Variants in MPPED2 observed in about 807,000 individuals in gnomAD.
MPPED2 encodes the protein metallophosphoesterase MPPED2.
In MPPED2, 5 loss-of-function variants were observed where a neutral mutation model predicts 33.0. That is an observed-to-expected ratio of 0.15 (90% CI 0.08 to 0.32). The LOEUF (loss-of-function observed/expected upper bound fraction) is 0.32, where lower values mean the gene tolerates loss of function less well. MPPED2 is among the 10% of genes least tolerant of loss of function. MPPED2 has a pLI of 1.00. For synonymous variants in MPPED2, 136 were observed against 141.9 expected, an observed-to-expected ratio of 0.96 and a Z score of 0.29; for missense variants, 275 against 372.1, an observed-to-expected ratio of 0.74 and a Z score of 2.15.
chr11:30,530,560 G>A (rs961061980), intron 3 of MPPED2, among the ~76,000 whole-genome samples: 1 of 152,226 alleles, frequency 6.6e-6, no homozygotes, highest in African/African-American at 2.4e-5. Context: ...AGTTCTCCTA[G>A]AGACGGTCAT....
chr11:30,412,501 C>T (rs1948152802), intron 6 of MPPED2, among the ~76,000 whole-genome samples: 4 of 151,910 alleles, frequency 2.6e-5, no homozygotes, highest in Admixed American at 2.6e-4. Flanking sequence ...ATAAAATTAC[C>T]AAGATATAGA....
In MPPED2 at chr11:30,564,192, T is replaced by C. The variant is rs374822271; in HGVS notation, c.128+16054A>G. On this transcript the variant is annotated intron_variant, in intron 2 of 6. Transcript: ENST00000358117. ...TTGTATTTTTAGTGGCTTCTTCTAA[T>C]TGACCCCAAGGTAATCATTCCCTGA... Among the ~76,000 whole-genome samples the C allele has an allele frequency of 1.4e-3, 214 of 152,298 alleles. 1 individual carries two copies. Among genetic ancestry groups the C allele is most frequent in the African/African-American group, 4.9e-3 (203 of 41,562 alleles).
intron 1 of MPPED2, among the ~76,000 whole-genome samples, chr11:30,582,523 C>G (rs1201622845): frequency 6.6e-6 from 1 of 152,150 alleles, no homozygotes; most frequent in African/African-American, 2.4e-5. Context: ...AATCTCTGCA[C>G]CCAGTACTAG....
At chr11:30,509,298 T>G (rs1029376857) in intron 3 of MPPED2, among the ~76,000 whole-genome samples, 1 of 152,172 alleles carries the variant, frequency 6.6e-6, no homozygotes, top group African/African-American at 2.4e-5. Context: ...AAATGAACTA[T>G]ATACATGACA....
intron 3 of MPPED2, among the ~76,000 whole-genome samples, chr11:30,525,653 A>G (rs1433794439): frequency 1.3e-5 from 2 of 152,168 alleles, no homozygotes; most frequent in East Asian, 3.9e-4. Context: ...GGTGGCTCCA[A>G]TGTGACCCAG....
At position 30,490,427 on chromosome 11, in the gene MPPED2, A is replaced by T. The variant is rs150780896; in HGVS notation, c.536+4869T>A. Among the ~76,000 whole-genome samples, 14 of 152,350 alleles carry T rather than the reference A, an allele frequency of 9.2e-5. 1 individual carries two copies. Among genetic ancestry groups the T allele is most frequent in the African/African-American group, 3.4e-4 (14 of 41,578 alleles). On this transcript the variant is annotated intron_variant, in intron 4 of 6. Transcript: ENST00000358117. ...TGCCTTTCTTCCAGATTCTTGGAAG[A>T]ATGAGATGGTGAAGGAATACATACA...
intron 2 of MPPED2, among the ~76,000 whole-genome samples, chr11:30,565,280 C>T (rs1956398930): frequency 6.6e-6 from 1 of 152,050 alleles, no homozygotes; most frequent in East Asian, 1.9e-4. Flanking sequence ...AGAGAGTGTT[C>T]CGGTTTTCTA....
chr11:30,405,964 T>TG (rs1419643126), downstream of MPPED2, among the ~76,000 whole-genome samples: 1 of 152,062 alleles, frequency 6.6e-6, no homozygotes, highest in Non-Finnish European at 1.5e-5. Context: ...ATTCCAAAGT[T>TG]GGGGGCTCTT....
chr11:30,466,540 G>C (rs1026410783), intron 4 of MPPED2, among the ~76,000 whole-genome samples: 1 of 152,198 alleles, frequency 6.6e-6, no homozygotes, highest in Non-Finnish European at 1.5e-5. Flanking sequence ...ACCCTAGATG[G>C]CAGAGGTCAA....
intron 2 of MPPED2, among the ~76,000 whole-genome samples, chr11:30,550,443 T>G (rs1467181685): frequency 6.6e-6 from 1 of 152,218 alleles, no homozygotes; most frequent in Non-Finnish European, 1.5e-5. Flanking sequence ...ACTCCCATTA[T>G]GGCCTTGCAG....
intron 2 of MPPED2, among the ~76,000 whole-genome samples, chr11:30,555,500 C>T (rs1955922619): frequency 6.6e-6 from 1 of 152,136 alleles, no homozygotes; most frequent in Non-Finnish European, 1.5e-5. Flanking sequence ...CCCATAATCC[C>T]CATGTGTCAT....
intron 4 of MPPED2, among the ~76,000 whole-genome samples, chr11:30,472,390 C>T (rs1950989324): frequency 6.6e-6 from 1 of 151,048 alleles, no homozygotes; most frequent in South Asian, 2.1e-4. Flanking sequence ...AATAATTAAG[C>T]ATGAAAATGA....
At chr11:30,436,049 T>C (rs1044381616) in intron 4 of MPPED2, among the ~76,000 whole-genome samples, 18 of 127,048 alleles carry the variant, frequency 1.4e-4, no homozygotes, top group African/African-American at 4.6e-4. Context: ...AAGTTTAGCA[T>C]CTTTTTTTTT....
At chr11:30,487,624 G>C (rs2134162512) in intron 4 of MPPED2, among the ~76,000 whole-genome samples, 1 of 152,082 alleles carries the variant, frequency 6.6e-6, no homozygotes, top group East Asian at 1.9e-4. Flanking sequence ...GGGACTACAA[G>C]CACATACCAT....
intron 3 of MPPED2, among the ~76,000 whole-genome samples, chr11:30,525,103 G>T (rs1350379630): frequency 1.3e-5 from 2 of 152,120 alleles, no homozygotes; most frequent in African/African-American, 4.8e-5. Context: ...GCAAAATTGG[G>T]CAAGATCTTT....
chr11:30,586,495 G>T (rs1046060579), upstream of MPPED2, among the ~76,000 whole-genome samples: 1 of 151,996 alleles, frequency 6.6e-6, no homozygotes, highest in Non-Finnish European at 1.5e-5. The surrounding 1 kb of genome is among the most constrained non-coding windows in gnomAD (Gnocchi z 4.8). Context: ...ACCCCCACCG[G>T]TGCCCCGAAG....
In MPPED2 at chr11:30,518,185, C is replaced by T. The variant is rs372734938; in HGVS notation, c.310+17809G>A. 4.2e-4 allele frequency among the ~76,000 whole-genome samples: 64 copies of T among 152,216 alleles called. No individual in the cohort carries two copies. In the East Asian group the frequency reaches 9.9e-3, roughly 23 times the overall value. ...TAGATATTCTAGACACTCTTTTAAC[C>T]GACAGTCTCCAGCCTCTCTGAGACA... On this transcript the variant is annotated intron_variant, in intron 3 of 6. Transcript: ENST00000358117.
chr11:30,392,939 G>A (rs1472320748), intron 6 of MPPED2, among the ~76,000 whole-genome samples: 1 of 152,062 alleles, frequency 6.6e-6, no homozygotes. Flanking sequence ...TGCCTTCTAT[G>A]CTTGGGTCCT....
At chr11:30,580,170 A>G in intron 2 of MPPED2, 76 bp downstream of exon 2, 2 of 1,447,034 alleles carry the variant, frequency 1.4e-6, no homozygotes, top group Non-Finnish European at 1.9e-6. Flanking sequence ...AGCAGAAGTT[A>G]ATAGTGAATG....
Sources: allele counts gnomAD v4.1 joint callset (sites outside exome capture counted in the v4.1 genomes callset), GRCh38; gene constraint gnomAD v4.1.1; non-coding constraint Gnocchi (gnomAD v3.1); transcripts MANE v1.5; gene names NCBI Gene and HGNC (gene_info 2026-07-23, HGNC 2026-07-21).